COMMD10: variants seen among roughly 807,000 people sequenced by gnomAD.
The protein encoded by COMMD10 is COMM domain containing 10, also known as COMM domain-containing protein 10.
A neutral mutation model predicts 28.9 loss-of-function variants in COMMD10; 33 were observed. The observed-to-expected ratio is 1.14, with a 90% CI of 0.87 to 1.53. The LOEUF (loss-of-function observed/expected upper bound fraction) is 1.53. Ranked by LOEUF, COMMD10 falls within the 40% of genes most tolerant of loss-of-function variation. The pLI is 0.00. For synonymous variants in COMMD10, 110 were observed against 81.7 expected (o/e 1.35, Z -1.87); for missense variants, 310 against 233.4 (o/e 1.33, Z -2.14).
At chr5:116,167,514 G>A (rs1026589257) in intron 5 of COMMD10, among the ~76,000 whole-genome samples, 7 of 152,078 alleles carry the variant, frequency 4.6e-5, no homozygotes, top group Admixed American at 1.3e-4. Flanking sequence ...GATACTCCTC[G>A]AGAAGAGCAA....
intron 5 of COMMD10, among the ~76,000 whole-genome samples, chr5:116,251,911 C>T (rs1434609354): frequency 1.3e-5 from 2 of 151,124 alleles, no homozygotes; most frequent in Non-Finnish European, 2.9e-5. Context: ...GTCCCACCAA[C>T]AATGTAAAAG....
intron 5 of COMMD10, among the ~76,000 whole-genome samples, chr5:116,233,549 T>C (rs992601153): frequency 6.6e-6 from 1 of 152,068 alleles, no homozygotes; most frequent in African/African-American, 2.4e-5. Flanking sequence ...TAATAAAATA[T>C]TTACATAGAA....
At chr5:116,121,653 G>C (rs1751439507) in intron 4 of COMMD10, among the ~76,000 whole-genome samples, 1 of 152,122 alleles carries the variant, frequency 6.6e-6, no homozygotes, top group Non-Finnish European at 1.5e-5. Flanking sequence ...GTTGTTTCCT[G>C]ACTTTTTAAT....
intron 5 of COMMD10, among the ~76,000 whole-genome samples, chr5:116,162,508 T>A (rs1211740076): frequency 6.6e-6 from 1 of 152,208 alleles, no homozygotes; most frequent in African/African-American, 2.4e-5. Context: ...CAGTGACTGT[T>A]TAATAAGACT....
chr5:116,291,471 A>C, intron 5 of COMMD10, 46 bp from the exon 6 acceptor site: 1 of 1,304,148 alleles, frequency 7.7e-7, no homozygotes, highest in Non-Finnish European at 1.1e-6. Context: ...AATGTGATGT[A>C]AATTGTGTGC....
intron 5 of COMMD10, among the ~76,000 whole-genome samples, chr5:116,151,655 G>T (rs75255859): frequency 6.6e-6 from 1 of 151,912 alleles, no homozygotes; most frequent in South Asian, 2.1e-4. Context: ...AGAGGTGTTC[G>T]TAGTATTCTC....
At chr5:116,236,950 G>A (rs535594082) in intron 5 of COMMD10, among the ~76,000 whole-genome samples, 9 of 152,140 alleles carry the variant, frequency 5.9e-5, no homozygotes, top group Admixed American at 2.0e-4. Flanking sequence ...AACTAAAGCC[G>A]ATCTAAAATA....
rs1412129160 is a variant in COMMD10, at chr5:116,110,595, G to T, written c.399+17895G>T. Among the ~76,000 whole-genome samples the T allele has an allele frequency of 2.0e-5, 3 of 152,152 alleles. No homozygotes were observed. In the East Asian group the frequency reaches 5.8e-4, roughly 29 times the overall value. On this transcript the variant is annotated intron_variant, in intron 4 of 6. Transcript: ENST00000274458. ...CTTCTTTGTTCAATCTTGGGAGGTT[G>T]TGTATTAGTCTGTTCTTACATTGCT...
chr5:116,258,904 C>T (rs1390028416), intron 5 of COMMD10, among the ~76,000 whole-genome samples: 2 of 151,584 alleles, frequency 1.3e-5, no homozygotes, highest in African/African-American at 4.9e-5. Context: ...GCTTTTTCTA[C>T]TCAGTTCCGT....
chr5:116,173,764 G>A (rs546984515), intron 5 of COMMD10, among the ~76,000 whole-genome samples: 1 of 151,998 alleles, frequency 6.6e-6, no homozygotes, highest in South Asian at 2.1e-4. Context: ...AACTGCAGAA[G>A]CCAAAGCATT....
At chr5:116,115,940 C>T (rs982411278) in intron 4 of COMMD10, among the ~76,000 whole-genome samples, 1 of 152,056 alleles carries the variant, frequency 6.6e-6, no homozygotes, top group African/African-American at 2.4e-5. Context: ...ATGGTTTTGT[C>T]AGGGAGTTTT....
intron 5 of COMMD10, among the ~76,000 whole-genome samples, chr5:116,262,493 C>G (rs1750475759): frequency 6.6e-6 from 1 of 151,622 alleles, no homozygotes; most frequent in Non-Finnish European, 1.5e-5. Context: ...AGACAAATGC[C>G]TGCATTTCAT....
intron 5 of COMMD10, among the ~76,000 whole-genome samples, chr5:116,192,548 T>A (rs1279592584): frequency 6.6e-6 from 1 of 152,088 alleles, no homozygotes; most frequent in African/African-American, 2.4e-5. Context: ...AACAATAGAA[T>A]TGAACAATTA....
At chr5:116,269,672 C>T (rs962407706) in intron 5 of COMMD10, among the ~76,000 whole-genome samples, 3 of 151,772 alleles carry the variant, frequency 2.0e-5, no homozygotes, top group African/African-American at 4.9e-5. Context: ...TTAGCCTCTT[C>T]TTAAGTTTCC....
chr5:116,255,536 T>A (rs1045260569), intron 5 of COMMD10, among the ~76,000 whole-genome samples: 1 of 151,590 alleles, frequency 6.6e-6, no homozygotes, highest in African/African-American at 2.4e-5. Flanking sequence ...CAGACTCTAT[T>A]TTCAAGAGAA....
chr5:116,227,842 A>C (rs189332817), intron 5 of COMMD10, among the ~76,000 whole-genome samples: 1 of 152,242 alleles, frequency 6.6e-6, no homozygotes. Flanking sequence ...CAGGGACATC[A>C]GTGTGTATGT....
At chr5:116,154,349 G>C (rs1301272575) in intron 5 of COMMD10, among the ~76,000 whole-genome samples, 1 of 152,038 alleles carries the variant, frequency 6.6e-6, no homozygotes. Flanking sequence ...TTTGTACTGG[G>C]TAGTTTATTG....
chr5:116,219,678 G>A (rs1376041109), intron 5 of COMMD10, among the ~76,000 whole-genome samples: 1 of 152,126 alleles, frequency 6.6e-6, no homozygotes, highest in African/African-American at 2.4e-5. Context: ...CTTTGTGAGG[G>A]AATATATTTC....
At chr5:116,131,899 T>A (rs1299275276) in intron 4 of COMMD10, among the ~76,000 whole-genome samples, 1 of 152,068 alleles carries the variant, frequency 6.6e-6, no homozygotes, top group Non-Finnish European at 1.5e-5. Context: ...GAATCTTATT[T>A]GTTTCACTGT....
Sources: gnomAD v4.1 joint callset for allele counts (sites outside exome capture counted in the v4.1 genomes callset) on GRCh38, gnomAD v4.1.1 for gene constraint, MANE v1.5 for transcripts, NCBI Gene and HGNC (gene_info 2026-07-23, HGNC 2026-07-21) for gene names.